RERGL: variants seen among roughly 807,000 people sequenced by gnomAD.
RERGL encodes the protein RERG like.
In RERGL, 22 loss-of-function variants were observed where a neutral mutation model predicts 24.7. The ratio of observed to expected loss-of-function variants is 0.89; its 90% CI spans 0.64 to 1.27. The LOEUF is 1.27. Ranked by LOEUF, RERGL falls within the 50% of genes most tolerant of loss-of-function variation. RERGL has a pLI of 0.00. For synonymous variants in RERGL, 76 were observed against 82.6 expected (o/e 0.92, Z 0.43); for missense variants, 259 against 235.3 (o/e 1.10, Z -0.66).
In RERGL at chr12:18,090,180, C is replaced by G; in HGVS notation, c.-40G>C. ...TCTTGGTCAGTCCTATTTTCTGGAA[C>G]TACACTGCCCTGTGACAAGCTTTTT... is the stretch of plus-strand genomic sequence containing the variant. On this transcript the variant is annotated 5_prime_UTR_variant, in exon 1 of 5. Transcript: ENST00000538724. 6.7e-7 allele frequency: 1 copy of G among 1,494,828 alleles called. No homozygotes were observed. Among genetic ancestry groups the G allele is most frequent in the Non-Finnish European group, 8.9e-7 (1 of 1,124,172 alleles). 92.6% of individuals were successfully genotyped at this position (1,494,828 alleles called of 1,614,324 possible). A position where few individuals can be genotyped will look rare whatever the true frequency, so the allele number is the denominator to read the frequency against.
Position 18,081,352 on chromosome 12 carries a change from A to T in RERGL, c.454T>A (p.Ser152Thr), listed in dbSNP as rs1386102004. 2.0e-5 allele frequency: 32 copies of T among 1,614,028 alleles called. No homozygotes were observed. The highest frequency in any genetic ancestry group is 2.5e-5 in the Non-Finnish European group (29 of 1,180,028). The change falls in exon 5 of 5, where the codon TCT becomes ACT. Residue 152 changes from serine to threonine, a missense_variant. Physicochemically the swap from Ser to Thr is moderately conservative, Grantham distance 58 (BLOSUM62 1). Transcript: ENST00000538724. ...ACCTCCAGAGACTGCTCTGCTGCAGACAGTTCACAGAATTGGCATCGGTTT... is the reference window on the plus strand; with the variant it reads ...ACCTCCAGAGACTGCTCTGCTGCAGTCAGTTCACAGAATTGGCATCGGTTT... ...LENRCQFCELSAAEQSLEVEM... is the reference protein window; with the variant it reads ...LENRCQFCELTAAEQSLEVEM...
intron 2 of RERGL, among the ~76,000 whole-genome samples, chr12:18,086,866 C>T (rs1407984421): frequency 6.6e-6 from 1 of 152,182 alleles, no homozygotes; most frequent in African/African-American, 2.4e-5. Flanking sequence ...TCAACCTTAA[C>T]ACACTTCAAG....
intron 4 of RERGL, 49 bp from the exon 5 acceptor site, chr12:18,081,522 T>C (rs1264330159): frequency 2.0e-5 from 27 of 1,344,262 alleles, no homozygotes; most frequent in Non-Finnish European, 2.6e-5. Flanking sequence ...AACAACTCTT[T>C]TTTTTAAAAA....
intron 4 of RERGL, among the ~76,000 whole-genome samples, chr12:18,081,891 A>T (rs1947177034): frequency 6.6e-6 from 1 of 152,220 alleles, no homozygotes; most frequent in Non-Finnish European, 1.5e-5. Flanking sequence ...CTGTAATCTC[A>T]GCACTTTGGG....
intron 2 of RERGL, among the ~76,000 whole-genome samples, chr12:18,086,550 G>A (rs1019650391): frequency 2.6e-5 from 4 of 151,862 alleles, no homozygotes; most frequent in Admixed American, 6.6e-5. Context: ...TTTCCTTTAC[G>A]TGACCTTCAA....
intron 1 of RERGL, chr12:18,089,451 T>G (rs1947249980): frequency 2.6e-6 from 3 of 1,153,922 alleles, no homozygotes; most frequent in South Asian, 4.9e-5. Flanking sequence ...CTCCTGGGTT[T>G]GGCCAGTTAA....
In RERGL at chr12:18,081,096, T is replaced by A. The variant is rs1446650313; in HGVS notation, c.*95A>T. 1.7e-6 allele frequency: 2 copies of A among 1,157,972 alleles called. No homozygotes were observed. Among genetic ancestry groups the A allele is most frequent in the African/African-American group, 3.1e-5 (2 of 64,620 alleles). The allele number at this position is 1,157,972 out of a possible 1,614,324, so 71.7% of individuals were successfully genotyped here. ...TTTCATATCTCCAAGAGAATTCTTT[T>A]TACCAAAAAAAAATTGCATACAAAG... On this transcript the variant is annotated 3_prime_UTR_variant, in exon 5 of 5. Coordinates refer to ENST00000538724, the MANE Select transcript of RERGL (RefSeq NM_001286201.2).
Position 18,084,615 on chromosome 12 carries a change from C to A in RERGL, c.234G>T (p.Gly78=). 6.2e-7 allele frequency: 1 copy of A among 1,612,092 alleles called. No homozygotes were observed. Among genetic ancestry groups the A allele is most frequent in the Non-Finnish European group, 8.5e-7 (1 of 1,179,214 alleles). The change falls in exon 4 of 5, where the codon GGG becomes GGT. Residue 78 remains glycine (G), a synonymous_variant. Transcript: ENST00000538724. ...SLTSELHWAD[G]FVIVYDISDR... ...CACTGATGTCATACACAATAACAAA[C>A]CCATCTGCCCAGTGAAGCTCACTTG...
chr12:18,082,965 A>C (rs1212166396), intron 4 of RERGL, among the ~76,000 whole-genome samples: 1 of 152,164 alleles, frequency 6.6e-6, no homozygotes, highest in Non-Finnish European at 1.5e-5. Flanking sequence ...TTTAAATGGC[A>C]TAGAACACTG....
chr12:18,088,720 A>G (rs1309294106), intron 2 of RERGL, among the ~76,000 whole-genome samples, 180 bp downstream of exon 2: 1 of 152,174 alleles, frequency 6.6e-6, no homozygotes, highest in Non-Finnish European at 1.5e-5. Context: ...GAATTTTACC[A>G]TAAAAGAACA....
rs868253962 is a variant in RERGL at position 18,081,919 on chromosome 12, T to C, written c.333-446A>G. ...ACTTTGGGAGGCCAAGGCGGGCAGATCATGAGGTCAGGAGATCGAGACCAT... is the reference window on the plus strand; with the variant it reads ...ACTTTGGGAGGCCAAGGCGGGCAGACCATGAGGTCAGGAGATCGAGACCAT... On this transcript the variant is annotated intron_variant, in intron 4 of 4. Transcript: ENST00000538724. Among the ~76,000 whole-genome samples the C allele has an allele frequency of 5.0e-4, 76 of 152,230 alleles. 1 individual carries two copies. Among genetic ancestry groups the C allele is most frequent in the African/African-American group, 1.8e-3 (73 of 41,554 alleles).
chr12:18,086,383 T>G (rs372033056), intron 2 of RERGL, among the ~76,000 whole-genome samples: 13 of 152,120 alleles, frequency 8.5e-5, no homozygotes, highest in African/African-American at 3.1e-4. Flanking sequence ...ATATCATAAT[T>G]TTTTCCTCTT....
Position 18,084,615 on chromosome 12 carries a change from C to T in RERGL, c.234G>A (p.Gly78=), listed in dbSNP as rs201085120. The part of the protein sequence containing the change: ...SLTSELHWAD[G]FVIVYDISDR... ...CACTGATGTCATACACAATAACAAA[C>T]CCATCTGCCCAGTGAAGCTCACTTG... Residue 78 remains glycine, a synonymous_variant, in exon 4 of 5, where the codon GGG becomes GGA. Transcript: ENST00000538724. The T allele has an allele frequency of 1.2e-4, 190 of 1,611,972 alleles. No homozygotes were observed. The highest frequency in any genetic ancestry group is 1.5e-4 in the Non-Finnish European group (178 of 1,179,220).
chr12:18,081,525 T>G (rs1432500963), intron 4 of RERGL, 52 bp from the exon 5 acceptor site: 4 of 1,306,926 alleles, frequency 3.1e-6, no homozygotes, highest in Non-Finnish European at 4.1e-6. Context: ...AACTCTTTTT[T>G]TTAAAAAAAA....
chr12:18,083,701 G>T (rs929204988), intron 4 of RERGL, among the ~76,000 whole-genome samples: 3 of 152,068 alleles, frequency 2.0e-5, no homozygotes, highest in African/African-American at 7.2e-5. Context: ...ATTTAAAATA[G>T]TTATTAAAAG....
intron 4 of RERGL, among the ~76,000 whole-genome samples, chr12:18,083,966 T>C (rs1189435802): frequency 6.6e-6 from 1 of 152,182 alleles, no homozygotes; most frequent in Non-Finnish European, 1.5e-5. Context: ...ATGTCTTCCT[T>C]CATAGTTCCT....
At position 18,084,544 on chromosome 12, in the gene RERGL, C is replaced by A. The variant is rs61757396; in HGVS notation, c.305G>T (p.Arg102Leu). 3.1e-6 allele frequency: 5 copies of A among 1,607,068 alleles called. No homozygotes were observed. In the South Asian group the frequency reaches 3.4e-5, roughly 11 times the overall value. ...TTTACAATGACTAGTTTGTGGCTCC[C>A]GGATTCTGTAGATCAGCGCTTTTGC... is the stretch of plus-strand genomic sequence containing the variant. ...AFAKALIYRI[R>L]EPQTSHCKRA... Residue 102 changes from arginine (R) to leucine (L), a missense_variant, in exon 4 of 5, where the codon CGG (arginine) becomes CTG (leucine). By Grantham distance (102) the Arg-to-Leu change is moderately radical. Transcript: ENST00000538724.
Position 18,084,555 on chromosome 12 carries a change from G to T in RERGL, c.294C>A (p.Ile98=). The T allele has an allele frequency of 6.2e-7, 1 of 1,610,786 alleles. No homozygotes were observed. The highest frequency in any genetic ancestry group is 8.5e-7 in the Non-Finnish European group (1 of 1,178,608). The change falls in exon 4 of 5, where the codon ATC becomes ATA. Residue 98 remains isoleucine, a synonymous_variant. Coordinates refer to ENST00000538724, the MANE Select transcript of RERGL (RefSeq NM_001286201.2). The stretch of plus-strand genomic sequence containing the variant: ...TAGTTTGTGGCTCCCGGATTCTGTA[G>T]ATCAGCGCTTTTGCAAAAGCAAATG... The part of the protein sequence containing the change: ...RSSFAFAKAL[I]YRIREPQTSH...
intron 4 of RERGL, among the ~76,000 whole-genome samples, chr12:18,084,306 G>T (rs1947198725): frequency 6.6e-6 from 1 of 152,086 alleles, no homozygotes; most frequent in Non-Finnish European, 1.5e-5. Context: ...CATTTACTCG[G>T]GGCAAGTAAC....
Sources: allele counts gnomAD v4.1 joint callset (sites outside exome capture counted in the v4.1 genomes callset), GRCh38; gene constraint gnomAD v4.1.1; transcripts MANE v1.5; gene names NCBI Gene and HGNC (gene_info 2026-07-23, HGNC 2026-07-21).